The following GRM8 variants were observed in gnomAD, a reference collection of about 807,000 sequenced individuals.
GRM8 encodes glutamate metabotropic receptor 8.
Under a neutral mutation model 87.2 loss-of-function variants are expected in GRM8, and 47 were observed. The ratio of observed to expected loss-of-function variants is 0.54; its 90% CI spans 0.43 to 0.69. The LOEUF is 0.69. Ranked by LOEUF, GRM8 falls within the 30% of genes least tolerant of loss-of-function variation. GRM8 has a pLI of 0.00. For missense variants in GRM8, 1,019 were observed against 1,139.2 expected (o/e 0.89, Z 1.52); for synonymous variants, 396 against 404.5 (o/e 0.98, Z 0.25).
intron 3 of GRM8, among the ~76,000 whole-genome samples, chr7:126,951,211 T>C (rs1361967): frequency 0.1 from 15,455 of 152,016 alleles, 936 homozygotes; most frequent in East Asian, 0.21. Context: ...AGAAAACACA[T>C]ACATAACTGC....
At chr7:127,031,011 T>C (rs924872984) in intron 3 of GRM8, among the ~76,000 whole-genome samples, 6 of 152,148 alleles carry the variant, frequency 3.9e-5, no homozygotes, top group African/African-American at 1.4e-4. Context: ...TGGACAATCC[T>C]CTTCTGTTAA....
At chr7:127,128,752 A>G (rs912919550) in intron 2 of GRM8, among the ~76,000 whole-genome samples, 4 of 152,122 alleles carry the variant, frequency 2.6e-5, no homozygotes, top group African/African-American at 9.7e-5. Flanking sequence ...CAAAGACCAC[A>G]TTCTTTCTGT....
intron 9 of GRM8, among the ~76,000 whole-genome samples, chr7:126,452,033 A>G (rs1222801076): frequency 6.6e-6 from 1 of 151,746 alleles, no homozygotes; most frequent in African/African-American, 2.4e-5. Context: ...CACGGCTGTA[A>G]ACTCAGCACT....
intron 3 of GRM8, among the ~76,000 whole-genome samples, chr7:126,998,001 C>T (rs1377802867): frequency 6.6e-6 from 1 of 151,750 alleles, no homozygotes; most frequent in Non-Finnish European, 1.5e-5. Flanking sequence ...CCAATATCCC[C>T]GACGAATGTT....
intron 3 of GRM8, among the ~76,000 whole-genome samples, chr7:127,088,382 G>C (rs965530570): frequency 6.6e-6 from 1 of 152,218 alleles, no homozygotes; most frequent in African/African-American, 2.4e-5. Context: ...ACAGAATGGA[G>C]AGCCTTTACA....
At chr7:126,946,207 A>G (rs1293399290) in intron 3 of GRM8, among the ~76,000 whole-genome samples, 1 of 152,222 alleles carries the variant, frequency 6.6e-6, no homozygotes, top group East Asian at 1.9e-4. Flanking sequence ...ACTCTTAGAA[A>G]AAGTCTGGAC....
At chr7:126,989,960 A>AC (rs1435016323) in intron 3 of GRM8, among the ~76,000 whole-genome samples, 1 of 151,950 alleles carries the variant, frequency 6.6e-6, no homozygotes, top group Non-Finnish European at 1.5e-5. Context: ...CAAAAAAAAA[A>AC]TGGGGGATAG....
intron 7 of GRM8, among the ~76,000 whole-genome samples, chr7:126,610,093 C>T (rs1396878900): frequency 6.6e-6 from 1 of 152,212 alleles, no homozygotes; most frequent in East Asian, 1.9e-4. Context: ...CATGATTGTT[C>T]TCCCCCTTCA....
intron 10 of GRM8, among the ~76,000 whole-genome samples, chr7:126,442,286 T>A (rs1384309871): frequency 6.6e-6 from 1 of 152,070 alleles, no homozygotes; most frequent in African/African-American, 2.4e-5. Flanking sequence ...ATTTGTTACA[T>A]TTGGTTTGGT....
chr7:126,652,097 T>C (rs1353622135), intron 7 of GRM8, among the ~76,000 whole-genome samples: 1 of 152,248 alleles, frequency 6.6e-6, no homozygotes, highest in Non-Finnish European at 1.5e-5. Flanking sequence ...GGTAAAACCA[T>C]GTTTGTGTAT....
At chr7:127,204,937 T>C (rs1241090253) in intron 2 of GRM8, among the ~76,000 whole-genome samples, 1 of 152,108 alleles carries the variant, frequency 6.6e-6, no homozygotes, top group Non-Finnish European at 1.5e-5. Flanking sequence ...TCCATTCCCC[T>C]TCGCTGTGGG....
intron 7 of GRM8, among the ~76,000 whole-genome samples, chr7:126,750,130 G>A (rs2106601): frequency 0.39 from 59,351 of 151,952 alleles, 12,800 homozygotes; most frequent in Non-Finnish European, 0.48. Flanking sequence ...ATTGTGATAT[G>A]CAAAAAGGGA....
chr7:127,210,252 A>G (rs1796138148), intron 2 of GRM8, among the ~76,000 whole-genome samples: 1 of 152,238 alleles, frequency 6.6e-6, no homozygotes, highest in Non-Finnish European at 1.5e-5. Context: ...TAGGCATTAC[A>G]ATTCAGACTA....
intron 6 of GRM8, among the ~76,000 whole-genome samples, chr7:126,818,515 TA>T (rs950729195): frequency 5.9e-5 from 9 of 151,996 alleles, no homozygotes; most frequent in African/African-American, 2.2e-4. Flanking sequence ...CTCAATGCAA[TA>T]AAAAAAATCA....
chr7:126,603,185 AC>A (rs1223934348), intron 8 of GRM8, among the ~76,000 whole-genome samples: 1 of 146,026 alleles, frequency 6.8e-6, no homozygotes, highest in Non-Finnish European at 1.5e-5. Flanking sequence ...AAATTCAACA[AC>A]CCTTCATGCT....
chr7:126,620,612 G>A (rs191209383), intron 7 of GRM8, among the ~76,000 whole-genome samples: 28 of 151,928 alleles, frequency 1.8e-4, no homozygotes, highest in South Asian at 8.3e-4. Context: ...CCAATTATCC[G>A]TGTGATCTGA....
At chr7:126,941,220 A>T (rs897500136) in intron 3 of GRM8, among the ~76,000 whole-genome samples, 1 of 152,152 alleles carries the variant, frequency 6.6e-6, no homozygotes, top group Non-Finnish European at 1.5e-5. Flanking sequence ...ATCTCAGCAG[A>T]AACAATTCTA....
At chr7:127,241,596 GC>G (rs773673634) in intron 2 of GRM8, among the ~76,000 whole-genome samples, 1 of 152,004 alleles carries the variant, frequency 6.6e-6, no homozygotes, top group African/African-American at 2.4e-5. Flanking sequence ...ACTATGCCGG[GC>G]TAATTTTTTG....
intron 3 of GRM8, among the ~76,000 whole-genome samples, chr7:127,049,838 G>A (rs944441202): frequency 6.6e-6 from 1 of 152,124 alleles, no homozygotes; most frequent in Admixed American, 6.6e-5. Context: ...AGCAGTGAGG[G>A]AGGAAAGAAC....
Sources: allele counts gnomAD v4.1 joint callset (sites outside exome capture counted in the v4.1 genomes callset), GRCh38; gene constraint gnomAD v4.1.1; transcripts MANE v1.5; gene names NCBI Gene and HGNC (gene_info 2026-07-23, HGNC 2026-07-21).